Variants in FBRS observed in about 807,000 individuals in gnomAD.
The protein encoded by FBRS is probable fibrosin-1.
In FBRS, 15 loss-of-function variants were observed where a neutral mutation model predicts 86.1. That is an observed-to-expected ratio of 0.17 (90% CI 0.12 to 0.27). The LOEUF (loss-of-function observed/expected upper bound fraction) is 0.27. Among genes scored for constraint, FBRS ranks in the 10% least tolerant of loss-of-function variants. FBRS has a pLI of 1.00. For synonymous variants in FBRS, 666 were observed against 575.8 expected (o/e 1.16, Z -2.24); for missense variants, 1,367 against 1,301.6 (o/e 1.05, Z -0.77).
At chr16:30,661,807 G>A (rs1477048803) in intron 4 of FBRS, among the ~76,000 whole-genome samples, 1 of 152,184 alleles carries the variant, frequency 6.6e-6, no homozygotes, top group Non-Finnish European at 1.5e-5. Flanking sequence ...GAGATAGTAT[G>A]TCCTAGAAGT....
In FBRS at chr16:30,669,198, C is replaced by CGCCGCCGCTGCCGCTGCTGCT; in HGVS notation, c.2505_2525dup (p.Ala843_Ala849dup). On this transcript the variant is annotated inframe_insertion, in exon 18 of 18. Transcript: ENST00000356166. This position sits in a 1 kb window ranked among gnomAD's most constrained non-coding sequence, Gnocchi z 5.9. ...AGGAAGAGCGGAAGGAGGAGGCTGC[C>CGCCGCCGCTGCCGCTGCTGCT]GCCGCCGCTGCCGCTGCTGCTGCCG... 1.3e-6 allele frequency: 2 copies of CGCCGCCGCTGCCGCTGCTGCT among 1,545,524 alleles called. No homozygotes were observed. Among genetic ancestry groups the CGCCGCCGCTGCCGCTGCTGCT allele is most frequent in the Non-Finnish European group, 1.7e-6 (2 of 1,144,198 alleles).
chr16:30,662,142 C>T, intron 4 of FBRS: 1 of 449,474 alleles, frequency 2.2e-6, no homozygotes, highest in Non-Finnish European at 4.0e-6. Flanking sequence ...CTAGTGACCT[C>T]TGACGTTTTG....
chr16:30,668,664 G>GT (rs915977736), intron 16 of FBRS, 21 bp downstream of exon 16: 1 of 1,590,208 alleles, frequency 6.3e-7, no homozygotes, highest in Non-Finnish European at 8.6e-7. Context: ...GTGCGGTGGG[G>GT]TGGGGGGGCT....
intron 12 of FBRS, 68 bp from the exon 13 acceptor site, chr16:30,666,851 C>A: frequency 2.0e-6 from 3 of 1,522,940 alleles, no homozygotes; most frequent in Non-Finnish European, 2.7e-6. Flanking sequence ...CAGAGCCAGG[C>A]CTGGAGTGGA....
chr16:30,659,774 C>G lies in FBRS; in HGVS notation c.256C>G (p.Pro86Ala). ...GGGCCCGAGACGCCGGCGGCCCCGT[C>G]CGAGACCTCGACCCCCGCGACCCCG... The part of the protein sequence containing the change: ...PGGPRRRRPR[P>A]RPRPPRPRAR... Residue 86 changes from proline (P) to alanine (A), a missense_variant, in exon 1 of 18, where the codon CCG becomes GCG. Pro to Ala is a conservative substitution (Grantham distance 27, BLOSUM62 -1). Transcript: ENST00000356166. 6.8e-7 allele frequency: 1 copy of G among 1,473,248 alleles called. No homozygotes were observed. The highest frequency in any genetic ancestry group is 9.0e-7 in the Non-Finnish European group (1 of 1,111,518). 91.3% of individuals were successfully genotyped at this position (1,473,248 alleles called of 1,614,324 possible).
chr16:30,668,670 G>A, intron 16 of FBRS, 27 bp downstream of exon 16: 5 of 1,587,716 alleles, frequency 3.1e-6, no homozygotes, highest in Non-Finnish European at 4.3e-6. Context: ...TGGGGTGGGG[G>A]GGCTGCGGCC....
At position 30,665,504 on chromosome 16, in the gene FBRS, T is replaced by C; in HGVS notation, c.1704+103T>C. ...CCATTCCCCAAAGTCGTGCCCATCC[T>C]CCTGCCCTGCCCTGCTGCACCCAGT... On this transcript the variant is annotated intron_variant, in intron 10 of 17. Transcript: ENST00000356166. The surrounding 1 kb of genome is among the most constrained non-coding windows in gnomAD (Gnocchi z 4.1). The C allele has an allele frequency of 7.1e-7, 1 of 1,415,490 alleles. No individual in the cohort carries two copies. The highest frequency in any genetic ancestry group is 9.8e-7 in the Non-Finnish European group (1 of 1,023,394). 87.7% of individuals were successfully genotyped at this position (1,415,490 alleles called of 1,614,324 possible).
In FBRS at chr16:30,665,355, CGCCG is replaced by C; in HGVS notation, c.1663_1666del (p.Ala555SerfsTer45). 1 of 1,570,984 alleles carries C rather than the reference CGCCG, an allele frequency of 6.4e-7. No individual in the cohort carries two copies. Among genetic ancestry groups the C allele is most frequent in the Non-Finnish European group, 8.6e-7 (1 of 1,158,668 alleles). On this transcript the variant is annotated frameshift_variant, in exon 10 of 18. Transcript: ENST00000356166. LOFTEE classifies it high-confidence loss of function. This position sits in a 1 kb window ranked among gnomAD's most constrained non-coding sequence, Gnocchi z 4.1. ...GTGCCCGGGCTGCCTCCGGGCCTCC[CGCCG>C]GCCGTCTCCTTTGGCTCCCTGCAGG...
Position 30,659,530 on chromosome 16 carries a change from A to C in FBRS, c.12A>C (p.Ala4=), listed in dbSNP as rs2052427338. Residue 4 remains alanine, a synonymous_variant, in exon 1 of 18, where the codon GCA becomes GCC. Transcript: ENST00000356166. The part of the protein sequence containing the change: MET[A]AAAAPGPGWA... Reference sequence around the variant, plus strand: ...TGAGGGCGGTCGCCATGGAGACGGCAGCGGCCGCGGCCCCGGGTCCGGGCT... The same window carrying C: ...TGAGGGCGGTCGCCATGGAGACGGCCGCGGCCGCGGCCCCGGGTCCGGGCT... 3.3e-6 allele frequency: 1 copy of C among 299,226 alleles called. No homozygotes were observed. Among genetic ancestry groups the C allele is most frequent in the Non-Finnish European group, 6.1e-6 (1 of 163,258 alleles). The allele number at this position is 299,226 out of a possible 1,614,324, so 18.5% of individuals were successfully genotyped here.
In FBRS at chr16:30,670,034, A is replaced by G. The variant is rs2052577857; in HGVS notation, c.*389A>G. 2.0e-6 allele frequency: 1 copy of G among 503,990 alleles called. No individual in the cohort carries two copies. Among genetic ancestry groups the G allele is most frequent in the Non-Finnish European group, 3.9e-6 (1 of 259,452 alleles). 31.2% of individuals were successfully genotyped at this position (503,990 alleles called of 1,614,324 possible). A position where few individuals can be genotyped will look rare whatever the true frequency, so the allele number is the denominator to read the frequency against. On this transcript the variant is annotated 3_prime_UTR_variant, in exon 18 of 18. Coordinates refer to ENST00000356166, the MANE Select transcript of FBRS (RefSeq NM_001105079.3). ...CCGTTCACCTACCACCCAAGTCCTC[A>G]TGCCCTCCGAGGGCTGGGGGAGGAG...
Position 30,670,373 on chromosome 16 carries a change from C to T in FBRS, c.*728C>T, listed in dbSNP as rs1031920094. 12 of 362,432 alleles carry T rather than the reference C, an allele frequency of 3.3e-5. No homozygotes were observed. The highest frequency in any genetic ancestry group is 1.3e-4 in the African/African-American group (6 of 46,552). The allele number at this position is 362,432 out of a possible 1,614,324, so 22.5% of individuals were successfully genotyped here. ...AAGCTTCCTACTTGGCTGACAGCCCCGGTTCCCCCAACATGTTCCCGTTCA... is the reference window on the plus strand; with the variant it reads ...AAGCTTCCTACTTGGCTGACAGCCCTGGTTCCCCCAACATGTTCCCGTTCA... On this transcript the variant is annotated 3_prime_UTR_variant, in exon 18 of 18. Coordinates refer to ENST00000356166, the MANE Select transcript of FBRS (RefSeq NM_001105079.3).
At chr16:30,663,700 T>TA (rs1438254892) in intron 6 of FBRS, among the ~76,000 whole-genome samples, 5 of 152,140 alleles carry the variant, frequency 3.3e-5, no homozygotes, top group Non-Finnish European at 5.9e-5. Context: ...TATTGACACT[T>TA]ACTATTGATG....
At position 30,670,166 on chromosome 16, in the gene FBRS, C is replaced by A. The variant is rs1024106206; in HGVS notation, c.*521C>A. On this transcript the variant is annotated 3_prime_UTR_variant, in exon 18 of 18. Transcript: ENST00000356166. ...GGTGCCCCTCCCAACAGTTCCCTTC[C>A]TGGTTAATTAAACCCTCAGACTGGT... 2 of 458,758 alleles carry A rather than the reference C, an allele frequency of 4.4e-6. No individual in the cohort carries two copies. The highest frequency in any genetic ancestry group is 4.7e-5 in the Admixed American group (2 of 42,578). The allele number at this position is 458,758 out of a possible 1,614,324, so 28.4% of individuals were successfully genotyped here. A position where few individuals can be genotyped will look rare whatever the true frequency, so the allele number is the denominator to read the frequency against.
chr16:30,660,898 C>T (rs1463911416), intron 2 of FBRS, among the ~76,000 whole-genome samples: 1 of 151,924 alleles, frequency 6.6e-6, no homozygotes, highest in Non-Finnish European at 1.5e-5. Flanking sequence ...TGGGGAAAGC[C>T]CCCTAGGATG....
rs769908280 is a variant in FBRS, at chr16:30,668,810, G to A, written c.2197G>A (p.Ala733Thr). Reference sequence around the variant, plus strand: ...CTTTGCCCAGAAAGAAAGCCCAGGGGCCCCACCAGCCTTCGCCTCCCCACC... The same window carrying A: ...CTTTGCCCAGAAAGAAAGCCCAGGGACCCCACCAGCCTTCGCCTCCCCACC... ...AVFAQKESPG[A>T]PPAFASPPDP... is the part of the protein sequence containing the mutation. The change falls in exon 17 of 18, where the codon GCC (alanine) becomes ACC (threonine). Residue 733 changes from alanine to threonine, a missense_variant. Around this residue, in one of 3 missense-constraint regions of FBRS, gnomAD observed 659 missense variants for 678.8 expected, o/e 0.97. Transcript: ENST00000356166. 6.3e-7 allele frequency: 1 copy of A among 1,598,834 alleles called. No homozygotes were observed. The highest frequency in any genetic ancestry group is 8.5e-7 in the Non-Finnish European group (1 of 1,178,028).
Position 30,669,264 on chromosome 16 carries a change from C to A in FBRS, c.2562C>A (p.Gly854=), listed in dbSNP as rs1458654387. 1.3e-6 allele frequency: 2 copies of A among 1,563,006 alleles called. No individual in the cohort carries two copies. The highest frequency in any genetic ancestry group is 3.9e-5 in the Admixed American group (2 of 51,650). ...CCGCAGCAGCCACTGGGCCCCAGGG[C>A]CTTCACCTGCTGTTTGAGAGGCCCC... ...AAAAAATGPQ[G]LHLLFERPRP... Residue 854 remains glycine (G), a synonymous_variant, in exon 18 of 18, where the codon GGC becomes GGA. Transcript: ENST00000356166. The surrounding 1 kb of genome is among the most constrained non-coding windows in gnomAD (Gnocchi z 5.9).
chr16:30,666,549 G>T lies in FBRS; in HGVS notation c.1803+8G>T. 6.2e-7 allele frequency: 1 copy of T among 1,614,026 alleles called. No homozygotes were observed. Among genetic ancestry groups the T allele is most frequent in the Non-Finnish European group, 8.5e-7 (1 of 1,179,898 alleles). ...TTCCGGCCACCTTTGAGGGTGAGTT[G>T]TGTGAGGACCTCAGGCTGCATGAGG... On this transcript the variant is annotated splice_region_variant and intron_variant, in intron 12 of 17. Coordinates refer to ENST00000356166, the MANE Select transcript of FBRS (RefSeq NM_001105079.3).
Position 30,667,605 on chromosome 16 carries a change from G to A in FBRS, c.2057G>A (p.Ser686Asn). The part of the protein sequence containing the change: ...AAPGAHGPFL[S>N]PSTHIDPFGR... ...CCCGGGGCCCACGGACCCTTCCTGA[G>A]CCCCAGCACCCACATTGGTAAGAGC... The change falls in exon 15 of 18, where the codon AGC (serine) becomes AAC (asparagine). Residue 686 changes from serine to asparagine, a missense_variant. Ser to Asn is a conservative substitution (Grantham distance 46). Transcript: ENST00000356166. The A allele has an allele frequency of 6.5e-7, 1 of 1,534,116 alleles. No individual in the cohort carries two copies. Among genetic ancestry groups the A allele is most frequent in the South Asian group, 1.2e-5 (1 of 82,010 alleles).
chr16:30,661,281 CCT>C, intron 3 of FBRS, 21 bp from the exon 4 acceptor site: 1 of 1,550,798 alleles, frequency 6.4e-7, no homozygotes, highest in South Asian at 1.2e-5. Context: ...TCTCGTGACA[CCT>C]CTGTCTTTCC....
Sources: gnomAD v4.1 joint callset for allele counts (sites outside exome capture counted in the v4.1 genomes callset) on GRCh38, gnomAD v4.1.1 for gene constraint, gnomAD v4.1.1 regional missense constraint, Gnocchi (gnomAD v3.1) non-coding constraint, MANE v1.5 for transcripts, NCBI Gene and HGNC (gene_info 2026-07-23, HGNC 2026-07-21) for gene names.